FRMD4A: variants seen among roughly 807,000 people sequenced by gnomAD.
FRMD4A encodes the protein FERM domain-containing protein 4A.
In FRMD4A, 29 loss-of-function variants were observed where a neutral mutation model predicts 129.1. That is an observed-to-expected ratio of 0.22 (90% CI 0.17 to 0.31). The LOEUF (loss-of-function observed/expected upper bound fraction) is 0.31. FRMD4A is among the 10% of genes least tolerant of loss of function. The probability of loss-of-function intolerance (pLI) is 1.00; values close to 1 mark genes in which losing one functional copy is unlikely to be tolerated. For missense variants in FRMD4A, 1,272 were observed against 1,375.8 expected (o/e 0.92, Z 1.19); for synonymous variants, 634 against 571.6 (o/e 1.11, Z -1.56).
chr10:14,299,900 G>A (rs1287227956), intron 2 of FRMD4A, among the ~76,000 whole-genome samples: 1 of 152,134 alleles, frequency 6.6e-6, no homozygotes, highest in African/African-American at 2.4e-5. Flanking sequence ...AGAGCACAGA[G>A]TCCTTGCAGA....
chr10:14,097,783 AAG>A (rs1837056145), intron 2 of FRMD4A, among the ~76,000 whole-genome samples: 1 of 150,868 alleles, frequency 6.6e-6, no homozygotes, highest in East Asian at 1.9e-4. Context: ...TGAGAGATAA[AAG>A]AGAAAAAATC....
chr10:13,779,163 A>T (rs1028989820), intron 6 of FRMD4A, among the ~76,000 whole-genome samples: 3 of 152,076 alleles, frequency 2.0e-5, no homozygotes, highest in Admixed American at 6.6e-5. Flanking sequence ...CTAAAAATAC[A>T]AAAATTAGCC....
chr10:13,914,882 C>T (rs1199046857), intron 2 of FRMD4A, among the ~76,000 whole-genome samples: 1 of 152,036 alleles, frequency 6.6e-6, no homozygotes, highest in African/African-American at 2.4e-5. Context: ...CGCATGGCAG[C>T]GTGTGCCTGT....
At chr10:14,169,244 G>C (rs776366083) in intron 2 of FRMD4A, among the ~76,000 whole-genome samples, 3 of 151,988 alleles carry the variant, frequency 2.0e-5, no homozygotes, top group Non-Finnish European at 4.4e-5. Flanking sequence ...ACTCCATCTT[G>C]GATGCTAATC....
intron 2 of FRMD4A, among the ~76,000 whole-genome samples, chr10:14,319,630 G>T (rs1485775194): frequency 6.6e-6 from 1 of 152,128 alleles, no homozygotes; most frequent in Non-Finnish European, 1.5e-5. Context: ...ACACTGTCTT[G>T]CATCACAAGG....
intron 6 of FRMD4A, among the ~76,000 whole-genome samples, chr10:13,777,528 A>C (rs7916179): frequency 6.6e-6 from 1 of 151,912 alleles, no homozygotes; most frequent in Non-Finnish European, 1.5e-5. Flanking sequence ...TGGGTTCTGG[A>C]GTGACATTCA....
intron 2 of FRMD4A, among the ~76,000 whole-genome samples, chr10:13,898,575 A>G (rs1201664432): frequency 6.6e-6 from 1 of 152,192 alleles, no homozygotes; most frequent in African/African-American, 2.4e-5. Context: ...TTCTCCACTA[A>G]TAACAAGTGC....
At chr10:14,133,937 T>A (rs191763226) in intron 2 of FRMD4A, among the ~76,000 whole-genome samples, 1 of 152,206 alleles carries the variant, frequency 6.6e-6, no homozygotes, top group Non-Finnish European at 1.5e-5. Context: ...GACAGGAAGA[T>A]GGGGAAATAA....
chr10:13,816,535 C>T (rs2130891990), intron 3 of FRMD4A, among the ~76,000 whole-genome samples: 1 of 152,318 alleles, frequency 6.6e-6, no homozygotes, highest in Middle Eastern at 3.4e-3. Context: ...TGATTTAAAA[C>T]AATTTGTGGC....
intron 2 of FRMD4A, among the ~76,000 whole-genome samples, chr10:13,958,360 TGCAA>T (rs1197251625): frequency 7.5e-6 from 1 of 134,036 alleles, no homozygotes; most frequent in Non-Finnish European, 1.5e-5. Context: ...CTCGGCTCAC[TGCAA>T]GCTCCGCCTC....
At chr10:14,283,915 C>A (rs957345928) in intron 2 of FRMD4A, among the ~76,000 whole-genome samples, 31 of 152,142 alleles carry the variant, frequency 2.0e-4, no homozygotes, top group African/African-American at 7.5e-4. Context: ...ATTTGACAAG[C>A]CTTTGAGGAG....
intron 2 of FRMD4A, among the ~76,000 whole-genome samples, chr10:14,037,161 G>T (rs1270857134): frequency 1.3e-5 from 2 of 152,124 alleles, no homozygotes; most frequent in Non-Finnish European, 2.9e-5. Flanking sequence ...ACATATGCAC[G>T]TGTCCACACA....
rs1347117851 is a variant in FRMD4A at position 14,192,418 on chromosome 10, A to G, written c.45+137640T>C. 2.6e-5 allele frequency among the ~76,000 whole-genome samples: 4 copies of G among 152,382 alleles called. No individual in the cohort carries two copies. The East Asian group carries it at 7.7e-4, about 29-fold the overall frequency. On this transcript the variant is annotated intron_variant, in intron 2 of 24. Coordinates refer to ENST00000357447, the MANE Select transcript of FRMD4A (RefSeq NM_018027.5). ...TAGAAGCAAAAATGGGAAAGTGTAA[A>G]TATCAGGAAATATACATTCACATAA...
intron 3 of FRMD4A, among the ~76,000 whole-genome samples, chr10:13,850,263 C>T (rs74121707): frequency 0.027 from 4,066 of 152,230 alleles, 171 homozygotes; most frequent in African/African-American, 0.092. Context: ...TATTACAGTT[C>T]TAGATTTTTA....
chr10:13,776,770 C>T (rs778763189), intron 6 of FRMD4A, among the ~76,000 whole-genome samples: 1 of 152,152 alleles, frequency 6.6e-6, no homozygotes, highest in East Asian at 1.9e-4. Flanking sequence ...AGATACTAAA[C>T]CTACGCTGGG....
intron 9 of FRMD4A, among the ~76,000 whole-genome samples, chr10:13,744,350 A>C (rs1012219159): frequency 2.0e-5 from 3 of 152,068 alleles, no homozygotes; most frequent in African/African-American, 7.2e-5. Flanking sequence ...TTGCCTCCTC[A>C]ACAGGGAAAT....
At chr10:14,242,934 C>A (rs2132007661) in intron 2 of FRMD4A, among the ~76,000 whole-genome samples, 1 of 152,328 alleles carries the variant, frequency 6.6e-6, no homozygotes, top group South Asian at 2.1e-4. Context: ...TATTTTGAGA[C>A]ACCATGCTCA....
intron 3 of FRMD4A, among the ~76,000 whole-genome samples, chr10:13,847,806 A>G (rs1488474503): frequency 6.6e-6 from 1 of 152,248 alleles, no homozygotes; most frequent in Non-Finnish European, 1.5e-5. Context: ...AGGAACTCCT[A>G]ACCCAAATAA....
intron 12 of FRMD4A, among the ~76,000 whole-genome samples, chr10:13,730,238 C>T (rs2090229111): frequency 6.6e-6 from 1 of 152,186 alleles, no homozygotes; most frequent in African/African-American, 2.4e-5. Context: ...CAGAGAGAGC[C>T]GGACGTGAGC....
Sources: allele counts gnomAD v4.1 joint callset (sites outside exome capture counted in the v4.1 genomes callset), GRCh38; gene constraint gnomAD v4.1.1; transcripts MANE v1.5; gene names NCBI Gene and HGNC (gene_info 2026-07-23, HGNC 2026-07-21).